Variants in ERBB4 observed in about 807,000 individuals in gnomAD.
ERBB4 encodes the protein erb-b2 receptor tyrosine kinase 4.
A neutral mutation model predicts 158.0 loss-of-function variants in ERBB4; 42 were observed. That is an observed-to-expected ratio of 0.27 (90% CI 0.21 to 0.34). The LOEUF is 0.34. ERBB4 is among the 10% of genes least tolerant of loss of function. ERBB4 has a pLI of 1.00. For synonymous variants in ERBB4, 583 were observed against 558.7 expected (o/e 1.04, Z -0.61); for missense variants, 1,333 against 1,624.1 (o/e 0.82, Z 3.08).
intron 1 of ERBB4, among the ~76,000 whole-genome samples, chr2:212,356,775 T>C (rs923898633): frequency 3.3e-5 from 5 of 151,922 alleles, no homozygotes; most frequent in Admixed American, 1.3e-4. Context: ...CCTAATAGTA[T>C]GAATGCTCAT....
intron 19 of ERBB4, among the ~76,000 whole-genome samples, chr2:211,571,419 T>C (rs572891849): frequency 6.6e-5 from 10 of 152,246 alleles, no homozygotes; most frequent in African/African-American, 2.4e-4. Flanking sequence ...AGCAGGGCAT[T>C]TTTTTTCTCT....
chr2:211,429,520 G>C (rs528171333), intron 21 of ERBB4, among the ~76,000 whole-genome samples: 4 of 152,334 alleles, frequency 2.6e-5, no homozygotes, highest in South Asian at 2.1e-4. Flanking sequence ...TCCTGCTGAT[G>C]ATGGGTCAGC....
intron 1 of ERBB4, among the ~76,000 whole-genome samples, chr2:212,419,593 C>G (rs918216711): frequency 3.3e-5 from 5 of 151,460 alleles, no homozygotes; most frequent in Non-Finnish European, 7.4e-5. Flanking sequence ...TTATAATATG[C>G]CCTGTTTTCA....
At chr2:212,032,115 A>T (rs1331153527) in intron 2 of ERBB4, among the ~76,000 whole-genome samples, 1 of 152,156 alleles carries the variant, frequency 6.6e-6, no homozygotes, top group African/African-American at 2.4e-5. Flanking sequence ...ATTTTCAAAC[A>T]TGCCATTTCA....
intron 1 of ERBB4, among the ~76,000 whole-genome samples, chr2:212,242,122 A>T (rs1445948757): frequency 2.0e-5 from 3 of 151,912 alleles, no homozygotes; most frequent in African/African-American, 4.8e-5. Context: ...ACATAACAAG[A>T]TGTTTAGCCT....
rs140479223 is a variant in ERBB4 at position 211,775,873 on chromosome 2, C to T, written c.556+12152G>A. Among the ~76,000 whole-genome samples, 183 of 152,204 alleles carry T rather than the reference C, an allele frequency of 1.2e-3. 1 individual carries two copies. Among genetic ancestry groups the T allele is most frequent in the African/African-American group, 4.1e-3 (171 of 41,522 alleles). On this transcript the variant is annotated intron_variant, in intron 4 of 27. Coordinates refer to ENST00000342788, the MANE Select transcript of ERBB4 (RefSeq NM_005235.3). ...CCTCACGGGTTACACCTTGACCTAA[C>T]GTTTTTTATGTGTATACTTATGCTT... is the stretch of plus-strand genomic sequence containing the variant.
At chr2:211,403,675 A>G (rs937133505) in intron 25 of ERBB4, among the ~76,000 whole-genome samples, 2 of 152,162 alleles carry the variant, frequency 1.3e-5, no homozygotes, top group African/African-American at 4.8e-5. Context: ...AAAGCTCTCA[A>G]TGCCAATTCT....
intron 2 of ERBB4, among the ~76,000 whole-genome samples, chr2:212,051,368 G>A (rs1421298931): frequency 6.6e-6 from 1 of 152,110 alleles, no homozygotes; most frequent in Non-Finnish European, 1.5e-5. Flanking sequence ...AGTGACATGA[G>A]AGGAAATTGT....
At chr2:212,362,863 C>T (rs2089742168) in intron 1 of ERBB4, among the ~76,000 whole-genome samples, 1 of 150,912 alleles carries the variant, frequency 6.6e-6, no homozygotes. Context: ...AATTATAAAA[C>T]AATTGAAATT....
chr2:212,101,565 A>AATTT (rs1328127635), intron 2 of ERBB4, among the ~76,000 whole-genome samples: 1 of 151,814 alleles, frequency 6.6e-6, no homozygotes, highest in Non-Finnish European at 1.5e-5. Context: ...TAATATTCTA[A>AATTT]AGAGCTCAGA....
intron 9 of ERBB4, among the ~76,000 whole-genome samples, chr2:211,706,601 C>CAAAAAAAAA (rs201615846): frequency 1.1e-5 from 1 of 94,460 alleles, no homozygotes. Context: ...CTTAAAAAAA[C>CAAAAAAAAA]AAAAAAAAAA....
chr2:212,225,530 C>T (rs2083442997), intron 1 of ERBB4, among the ~76,000 whole-genome samples: 1 of 151,728 alleles, frequency 6.6e-6, no homozygotes, highest in Admixed American at 6.6e-5. Flanking sequence ...AAACAAAAAT[C>T]ACTAGTATTT....
intron 2 of ERBB4, among the ~76,000 whole-genome samples, chr2:211,974,990 A>AC (rs751112232): frequency 1.1e-4 from 17 of 149,584 alleles, no homozygotes; most frequent in Non-Finnish European, 2.1e-4. Flanking sequence ...TATATCCATC[A>AC]CTTTTTTTTT....
intron 2 of ERBB4, among the ~76,000 whole-genome samples, chr2:212,074,037 A>C (rs1188626895): frequency 6.6e-6 from 1 of 152,040 alleles, no homozygotes; most frequent in Middle Eastern, 3.2e-3. Flanking sequence ...TCCAGCCAAG[A>C]AAGCACACAT....
intron 1 of ERBB4, among the ~76,000 whole-genome samples, chr2:212,283,682 T>G (rs2085846032): frequency 6.6e-6 from 1 of 152,030 alleles, no homozygotes; most frequent in Admixed American, 6.6e-5. Context: ...TTTACTACTT[T>G]GAATATCAAG....
rs1385901438 is a variant in ERBB4, at chr2:211,861,258, G to C, written c.422-73099C>G. Among the ~76,000 whole-genome samples the C allele has an allele frequency of 2.2e-5, 3 of 136,906 alleles. No individual in the cohort carries two copies. In the South Asian group the frequency reaches 6.8e-4, roughly 31 times the overall value. The allele number at this position is 136,906 out of a possible 152,430, so 89.8% of individuals were successfully genotyped here. On this transcript the variant is annotated intron_variant, in intron 3 of 27. Coordinates refer to ENST00000342788, the MANE Select transcript of ERBB4 (RefSeq NM_005235.3). The stretch of plus-strand genomic sequence containing the variant: ...TGGCTCACTGCAGCCTCCACCTTCT[G>C]GGCTCAAGCACTCTACCTCAGCCTG...
chr2:211,836,557 G>T (rs1291639692), intron 3 of ERBB4, among the ~76,000 whole-genome samples: 2 of 152,020 alleles, frequency 1.3e-5, no homozygotes, highest in Non-Finnish European at 2.9e-5. Context: ...CAGAGTCATA[G>T]AAGGAAAGCA....
intron 2 of ERBB4, among the ~76,000 whole-genome samples, chr2:212,015,107 TATATAA>T (rs1330078691): frequency 1.2e-5 from 1 of 86,524 alleles, no homozygotes; most frequent in African/African-American, 4.9e-5. Flanking sequence ...TATATATATA[TATATAA>T]AAATTAGCCG....
At chr2:211,928,122 A>G (rs964941141) in intron 3 of ERBB4, among the ~76,000 whole-genome samples, 4 of 152,160 alleles carry the variant, frequency 2.6e-5, no homozygotes, top group Admixed American at 2.6e-4. Flanking sequence ...CACAATCCCA[A>G]TAGAAGCAAG....
Sources: gnomAD v4.1 joint callset for allele counts (sites outside exome capture counted in the v4.1 genomes callset) on GRCh38, gnomAD v4.1.1 for gene constraint, MANE v1.5 for transcripts, NCBI Gene and HGNC (gene_info 2026-07-23, HGNC 2026-07-21) for gene names.